The following WDTC1 variants were observed in gnomAD, a reference collection of about 807,000 sequenced individuals.
The protein encoded by WDTC1 is WD and tetratricopeptide repeats 1, also known as WD and tetratricopeptide repeats protein 1.
WDTC1 carries 12 observed loss-of-function variants against 76.0 expected under a neutral mutation model. The ratio of observed to expected loss-of-function variants is 0.16; its 90% CI spans 0.10 to 0.26. The LOEUF is 0.26. Ranked by LOEUF, WDTC1 falls within the 10% of genes least tolerant of loss-of-function variation. The pLI is 1.00. For missense variants in WDTC1, 511 were observed against 908.8 expected, an observed-to-expected ratio of 0.56 and a Z score of 5.63; for synonymous variants, 326 against 350.8, an observed-to-expected ratio of 0.93 and a Z score of 0.79.
chr1:27,288,369 T>A lies in WDTC1; in HGVS notation c.479+508T>A, dbSNP rs535875496. ...ATTTTTATTTATTTATTTTTTTTTT[T>A]ATTGATCATTCTTGGGTGTTTCTCG... On this transcript the variant is annotated intron_variant, in intron 6 of 15. Coordinates refer to ENST00000319394, the MANE Select transcript of WDTC1 (RefSeq NM_001276252.2). Among the ~76,000 whole-genome samples the A allele has an allele frequency of 2.2e-4, 34 of 151,844 alleles. No individual in the cohort carries two copies. In the East Asian group the frequency reaches 2.7e-3, roughly 12 times the overall value.
intron 3 of WDTC1, among the ~76,000 whole-genome samples, chr1:27,271,327 G>C (rs2012862889): frequency 6.6e-6 from 1 of 151,918 alleles, no homozygotes; most frequent in South Asian, 2.1e-4. Flanking sequence ...CAATTCATGT[G>C]CCTCAACCTC....
At position 27,306,528 on chromosome 1, in the gene WDTC1, G is replaced by T. The variant is rs1200457619; in HGVS notation, c.*145G>T. The T allele has an allele frequency of 7.5e-6, 8 of 1,059,722 alleles. No homozygotes were observed. Among genetic ancestry groups the T allele is most frequent in the Non-Finnish European group, 9.3e-6 (7 of 755,634 alleles). 65.6% of individuals were successfully genotyped at this position (1,059,722 alleles called of 1,614,324 possible). On this transcript the variant is annotated 3_prime_UTR_variant, in exon 16 of 16. Transcript: ENST00000319394. The surrounding 1 kb of genome is among the most constrained non-coding windows in gnomAD (Gnocchi z 5.0). ...TTTGTTTGTTAGTTTGGCGTTAGGG[G>T]TGGAGGTTGCTACAACTTGCTGGCT... is the stretch of plus-strand genomic sequence containing the variant.
chr1:27,304,782 T>C, intron 14 of WDTC1: 1 of 506,898 alleles, frequency 2.0e-6, no homozygotes, highest in South Asian at 2.9e-5. Flanking sequence ...GGGGAGACTG[T>C]CTTGGAGAAA....
chr1:27,306,304 C>G lies in WDTC1; in HGVS notation c.1955C>G (p.Thr652Arg). 6.2e-7 allele frequency: 1 copy of G among 1,614,052 alleles called. No individual in the cohort carries two copies. Among genetic ancestry groups the G allele is most frequent in the African/African-American group, 1.3e-5 (1 of 75,030 alleles). Reference sequence around the variant, plus strand: ...CTGCTCAACATGGGCTACCGGATCACGGGCCTGAGCAGTGGGGGTGCCGGG... The same window carrying G: ...CTGCTCAACATGGGCTACCGGATCAGGGGCCTGAGCAGTGGGGGTGCCGGG... ...VMLLNMGYRI[T>R]GLSSGGAGAS... The change falls in exon 16 of 16, where the codon ACG (threonine) becomes AGG (arginine). Residue 652 changes from threonine to arginine, a missense_variant. Physicochemically the swap from Thr to Arg is moderately conservative, Grantham distance 71. Coordinates refer to ENST00000319394, the MANE Select transcript of WDTC1 (RefSeq NM_001276252.2). This position sits in a 1 kb window ranked among gnomAD's most constrained non-coding sequence, Gnocchi z 5.0.
At position 27,301,388 on chromosome 1, in the gene WDTC1, G is replaced by T. The variant is rs1231743649; in HGVS notation, c.1395G>T (p.Glu465Asp). 1 of 1,614,154 alleles carries T rather than the reference G, an allele frequency of 6.2e-7. No individual in the cohort carries two copies. Among genetic ancestry groups the T allele is most frequent in the East Asian group, 2.2e-5 (1 of 44,880 alleles). ...CLDDFKGKFP[E>D]QAHSSACDAL... The stretch of plus-strand genomic sequence containing the variant: ...ACGACTTCAAAGGGAAATTTCCGGA[G>T]CAGGCCCACAGCAGCGCTTGTGATG... The change falls in exon 13 of 16, where the codon GAG (glutamate) becomes GAT (aspartate). Residue 465 changes from glutamate to aspartate, a missense_variant. Coordinates refer to ENST00000319394, the MANE Select transcript of WDTC1 (RefSeq NM_001276252.2). This position sits in a 1 kb window ranked among gnomAD's most constrained non-coding sequence, Gnocchi z 5.8.
intron 1 of WDTC1, among the ~76,000 whole-genome samples, chr1:27,250,863 G>GT (rs397970562): frequency 0.059 from 8,014 of 135,926 alleles, 752 homozygotes; most frequent in African/African-American, 0.19. Context: ...TAATTGACTT[G>GT]TTTTTTTTTT....
intron 1 of WDTC1, chr1:27,255,506 AAGG>A (rs1483362363): frequency 6.6e-6 from 1 of 152,246 alleles, no homozygotes; most frequent in Non-Finnish European, 1.5e-5. Context: ...ACAGTAGAAC[AAGG>A]AGTTCAATAT....
At position 27,261,137 on chromosome 1, in the gene WDTC1, A is replaced by G. The variant is rs779988720; in HGVS notation, c.48+35A>G. The G allele has an allele frequency of 1.3e-5, 21 of 1,612,522 alleles. 1 individual carries two copies. In the South Asian group the frequency reaches 2.2e-4, roughly 17 times the overall value. The stretch of plus-strand genomic sequence containing the variant: ...CCAGACTTCTGCACCAGATCATGAG[A>G]TCTTTTCTTTCCCACAGATTGATTT... On this transcript the variant is annotated intron_variant, in intron 2 of 15. Transcript: ENST00000319394.
chr1:27,282,158 T>C, intron 3 of WDTC1, 81 bp from the exon 4 acceptor site: 13 of 1,371,202 alleles, frequency 9.5e-6, no homozygotes, highest in East Asian at 2.3e-5. Context: ...GGTTTACCTG[T>C]TCAGTTCCAC....
intron 1 of WDTC1, among the ~76,000 whole-genome samples, chr1:27,248,019 G>A (rs1317581963): frequency 6.6e-6 from 1 of 152,184 alleles, no homozygotes; most frequent in African/African-American, 2.4e-5. Context: ...TGCCCAGCCT[G>A]TACCACATCT....
chr1:27,263,254 A>T lies in WDTC1; in HGVS notation c.132+19A>T. 6.2e-7 allele frequency: 1 copy of T among 1,609,662 alleles called. No homozygotes were observed. The highest frequency in any genetic ancestry group is 8.5e-7 in the Non-Finnish European group (1 of 1,178,528). On this transcript the variant is annotated intron_variant, in intron 3 of 15. Transcript: ENST00000319394. Reference sequence around the variant, plus strand: ...GCTGCAGGTAAGAGATCCAGTTTGCACCTTAGATGCAGATGGCCTGCTGTC... The same window carrying T: ...GCTGCAGGTAAGAGATCCAGTTTGCTCCTTAGATGCAGATGGCCTGCTGTC...
intron 2 of WDTC1, among the ~76,000 whole-genome samples, 198 bp downstream of exon 2, chr1:27,261,300 T>A (rs1348365170): frequency 6.6e-6 from 1 of 152,224 alleles, no homozygotes; most frequent in Non-Finnish European, 1.5e-5. Context: ...TCATGGAGAC[T>A]CTGTCCACAT....
chr1:27,263,725 G>A (rs1170791480), intron 3 of WDTC1, among the ~76,000 whole-genome samples: 1 of 152,068 alleles, frequency 6.6e-6, no homozygotes, highest in Non-Finnish European at 1.5e-5. Context: ...CACCGCGCCT[G>A]GCCTTAAATT....
rs183153171 is a variant in WDTC1, at chr1:27,294,531, C to A, written c.775C>A (p.Leu259Ile). The A allele has an allele frequency of 7.4e-5, 119 of 1,614,212 alleles. No homozygotes were observed. The highest frequency in any genetic ancestry group is 6.6e-4 in the Middle Eastern group (4 of 6,060). The change falls in exon 9 of 16, where the codon CTT (leucine) becomes ATT (isoleucine). Residue 259 changes from leucine to isoleucine, a missense_variant. Physicochemically the swap from Leu to Ile is conservative, Grantham distance 5. Coordinates refer to ENST00000319394, the MANE Select transcript of WDTC1 (RefSeq NM_001276252.2). Reference sequence around the variant, plus strand: ...CCCTGCAGGTCACCTGCCAGTGAAGCTTCCTGACTACAACAACCGTTTGAG... The same window carrying A: ...CCCTGCAGGTCACCTGCCAGTGAAGATTCCTGACTACAACAACCGTTTGAG... ...YYVAGHLPVK[L>I]PDYNNRLRVL... is the part of the protein sequence containing the mutation.
rs1318771146 is a variant in WDTC1, at chr1:27,234,932, C to A, written c.-119C>A. The A allele has an allele frequency of 8.6e-5, 34 of 393,870 alleles. No individual in the cohort carries two copies. The highest frequency in any genetic ancestry group is 4.5e-5 in the Non-Finnish European group (10 of 222,966). 24.4% of individuals were successfully genotyped at this position (393,870 alleles called of 1,614,324 possible). ...CTCCTGAAGTTGCGCCGCTGCCGGTCGGGGGAAGAGACCTGACAGGTACGG... is the reference window on the plus strand; with the variant it reads ...CTCCTGAAGTTGCGCCGCTGCCGGTAGGGGGAAGAGACCTGACAGGTACGG... On this transcript the variant is annotated 5_prime_UTR_variant, in exon 1 of 16. Coordinates refer to ENST00000319394, the MANE Select transcript of WDTC1 (RefSeq NM_001276252.2).
At chr1:27,275,647 G>A (rs1557494182) in intron 3 of WDTC1, among the ~76,000 whole-genome samples, 1 of 151,804 alleles carries the variant, frequency 6.6e-6, no homozygotes, top group Non-Finnish European at 1.5e-5. Flanking sequence ...AGAAAAAGAT[G>A]GAGCGGGGAT....
intron 3 of WDTC1, among the ~76,000 whole-genome samples, chr1:27,276,805 G>C (rs2013042447): frequency 6.6e-6 from 1 of 151,940 alleles, no homozygotes; most frequent in Non-Finnish European, 1.5e-5. Flanking sequence ...GACTAATGAT[G>C]TTGAGCATGT....
intron 1 of WDTC1, among the ~76,000 whole-genome samples, chr1:27,235,706 C>T (rs961263169): frequency 1.9e-4 from 29 of 152,116 alleles, no homozygotes; most frequent in African/African-American, 6.0e-4. Flanking sequence ...CTCTCCTCTG[C>T]GGGTGTACTC....
chr1:27,256,949 T>C (rs2012302524), intron 1 of WDTC1, among the ~76,000 whole-genome samples: 2 of 152,138 alleles, frequency 1.3e-5, no homozygotes, highest in African/African-American at 2.4e-5. Flanking sequence ...GCAAGCTCCG[T>C]CTCCCGGATT....
Sources: allele counts gnomAD v4.1 joint callset (sites outside exome capture counted in the v4.1 genomes callset), GRCh38; gene constraint gnomAD v4.1.1; non-coding constraint Gnocchi (gnomAD v3.1); transcripts MANE v1.5; gene names NCBI Gene and HGNC (gene_info 2026-07-23, HGNC 2026-07-21).